The following CYB5R4 variants were observed in gnomAD, a reference collection of about 807,000 sequenced individuals.
The protein encoded by CYB5R4 is cytochrome b5 reductase 4.
A neutral mutation model predicts 70.2 loss-of-function variants in CYB5R4; 55 were observed. The ratio of observed to expected loss-of-function variants is 0.78; its 90% CI spans 0.63 to 0.98. CYB5R4 has a LOEUF of 0.98. CYB5R4 is among the 50% of genes least tolerant of loss of function. The pLI is 0.00. For synonymous variants in CYB5R4, 197 were observed against 199.5 expected, an observed-to-expected ratio of 0.99 and a Z score of 0.11; for missense variants, 562 against 612.6, an observed-to-expected ratio of 0.92 and a Z score of 0.87.
intron 14 of CYB5R4, among the ~76,000 whole-genome samples, chr6:83,947,712 A>C (rs1472584614): frequency 2.6e-5 from 4 of 152,212 alleles, no homozygotes; most frequent in African/African-American, 9.6e-5. Context: ...AAAAAATCCC[A>C]TCAGAAAGTG....
intron 2 of CYB5R4, among the ~76,000 whole-genome samples, chr6:83,866,397 T>C (rs1301856945): frequency 6.6e-6 from 1 of 152,218 alleles, no homozygotes; most frequent in Non-Finnish European, 1.5e-5. Context: ...ATATACTTAC[T>C]GGTTGAGCAT....
chr6:83,876,064 C>A (rs1045676723), intron 2 of CYB5R4, among the ~76,000 whole-genome samples: 1 of 152,086 alleles, frequency 6.6e-6, no homozygotes, highest in African/African-American at 2.4e-5. Flanking sequence ...TGAGGGACTT[C>A]CATGTTTCGT....
chr6:83,870,217 T>C (rs554374539), intron 2 of CYB5R4, among the ~76,000 whole-genome samples: 149 of 152,334 alleles, frequency 9.8e-4, no homozygotes, highest in African/African-American at 3.3e-3. Flanking sequence ...ATTCAGTGTT[T>C]GCAGCATACA....
chr6:83,863,357 C>G (rs1054690703), intron 1 of CYB5R4, among the ~76,000 whole-genome samples: 3 of 152,148 alleles, frequency 2.0e-5, no homozygotes, highest in Admixed American at 6.5e-5. Flanking sequence ...CCACCCCTTC[C>G]CTACAGTGTT....
chr6:83,944,648 A>G (rs988600737), intron 14 of CYB5R4, among the ~76,000 whole-genome samples: 2 of 152,182 alleles, frequency 1.3e-5, no homozygotes, highest in African/African-American at 4.8e-5. Context: ...GGCAAATTGG[A>G]TAAAGAGTCA....
intron 3 of CYB5R4, among the ~76,000 whole-genome samples, chr6:83,902,765 A>T (rs1395285626): frequency 1.3e-5 from 2 of 151,794 alleles, no homozygotes; most frequent in Non-Finnish European, 2.9e-5. Flanking sequence ...ATTTATCTGT[A>T]GCTTTCTTTC....
At position 83,961,337 on chromosome 6, in the gene CYB5R4, G is replaced by T. The variant is rs954246593; in HGVS notation, c.*1459G>T. ...CCCTACTTATTTTTTTCCATCTAAG[G>T]GTGAGGTGATTTGGCTCTGTGTCCT... On this transcript the variant is annotated 3_prime_UTR_variant, in exon 16 of 16. Coordinates refer to ENST00000369681, the MANE Select transcript of CYB5R4 (RefSeq NM_016230.4). 4.0e-5 allele frequency: 6 copies of T among 151,636 alleles called. No homozygotes were observed. The highest frequency in any genetic ancestry group is 7.4e-5 in the Non-Finnish European group (5 of 67,988). 9.4% of individuals were successfully genotyped at this position (151,636 alleles called of 1,614,324 possible). A position where few individuals can be genotyped will look rare whatever the true frequency, so the allele number is the denominator to read the frequency against.
At chr6:83,912,134 T>C (rs1184397227) in intron 4 of CYB5R4, among the ~76,000 whole-genome samples, 1 of 151,258 alleles carries the variant, frequency 6.6e-6, no homozygotes, top group Non-Finnish European at 1.5e-5. Flanking sequence ...AGTATTGCAC[T>C]CATGTGATTC....
chr6:83,864,078 A>AGG, intron 1 of CYB5R4, 97 bp from the exon 2 acceptor site: 1 of 1,117,636 alleles, frequency 8.9e-7, no homozygotes, highest in Non-Finnish European at 1.2e-6. Flanking sequence ...AAACTGTAAA[A>AGG]GGATTTATAG....
intron 3 of CYB5R4, among the ~76,000 whole-genome samples, chr6:83,906,190 G>C (rs970100630): frequency 1.3e-5 from 2 of 152,140 alleles, no homozygotes; most frequent in Non-Finnish European, 2.9e-5. Context: ...CAGTGGATGG[G>C]GAATGAACGT....
chr6:83,875,116 C>T (rs539232376), intron 2 of CYB5R4, among the ~76,000 whole-genome samples: 241 of 152,240 alleles, frequency 1.6e-3, no homozygotes, highest in African/African-American at 5.4e-3. Flanking sequence ...CCACTGTGCC[C>T]GGCCGTCTTT....
intron 3 of CYB5R4, among the ~76,000 whole-genome samples, chr6:83,905,337 C>T (rs1260989082): frequency 6.6e-6 from 1 of 152,132 alleles, no homozygotes; most frequent in African/African-American, 2.4e-5. Context: ...GCCACTGCGC[C>T]CGGCCCTTTT....
At chr6:83,898,023 T>C (rs367830910) in intron 3 of CYB5R4, among the ~76,000 whole-genome samples, 1 of 152,208 alleles carries the variant, frequency 6.6e-6, no homozygotes, top group Admixed American at 6.5e-5. Context: ...TTTATGGTTT[T>C]AAACATTTAA....
intron 2 of CYB5R4, among the ~76,000 whole-genome samples, chr6:83,871,742 A>C (rs550185404): frequency 6.6e-6 from 1 of 152,062 alleles, no homozygotes; most frequent in South Asian, 2.1e-4. Flanking sequence ...GAATTCATTA[A>C]TTTTATCTCA....
chr6:83,962,516 C>T lies in CYB5R4; in HGVS notation c.*2638C>T, dbSNP rs1177340066. 4.6e-5 allele frequency: 7 copies of T among 152,204 alleles called. No individual in the cohort carries two copies. The allele number at this position is 152,204 out of a possible 1,614,324, so 9.4% of individuals were successfully genotyped here. A position where few individuals can be genotyped will look rare whatever the true frequency, so the allele number is the denominator to read the frequency against. ...TTTTAAAAAAAAGTTTATTAATTTT[C>T]TATTGCTGCTAGATCAAATTACTAC... On this transcript the variant is annotated 3_prime_UTR_variant, in exon 16 of 16. Coordinates refer to ENST00000369681, the MANE Select transcript of CYB5R4 (RefSeq NM_016230.4).
At chr6:83,899,697 G>A (rs1486022655) in intron 3 of CYB5R4, among the ~76,000 whole-genome samples, 3 of 151,992 alleles carry the variant, frequency 2.0e-5, no homozygotes, top group Non-Finnish European at 2.9e-5. Context: ...GTCTTGGGAG[G>A]GTGTATGTGT....
chr6:83,961,894 A>T lies in CYB5R4; in HGVS notation c.*2016A>T. On this transcript the variant is annotated 3_prime_UTR_variant, in exon 16 of 16. Coordinates refer to ENST00000369681, the MANE Select transcript of CYB5R4 (RefSeq NM_016230.4). ...TTATATTTTTGTTTATATTTTATTT[A>T]TATTTTGTTTATATTTTGTTATATT... 6.7e-6 allele frequency: 1 copy of T among 149,002 alleles called. No homozygotes were observed. The highest frequency in any genetic ancestry group is 1.5e-5 in the Non-Finnish European group (1 of 67,102). The allele number at this position is 149,002 out of a possible 1,614,324, so 9.2% of individuals were successfully genotyped here.
chr6:83,922,023 A>G (rs7765992), intron 8 of CYB5R4, among the ~76,000 whole-genome samples: 6,412 of 152,170 alleles, frequency 0.042, 462 homozygotes, highest in African/African-American at 0.15. Flanking sequence ...GGAGAACAAT[A>G]AGAAAAGGTA....
intron 10 of CYB5R4, among the ~76,000 whole-genome samples, chr6:83,933,872 A>C (rs534145237): frequency 6.6e-6 from 1 of 152,264 alleles, no homozygotes; most frequent in African/African-American, 2.4e-5. Context: ...ACTTGAATTA[A>C]TTTTCAGATA....
Sources: allele counts gnomAD v4.1 joint callset (sites outside exome capture counted in the v4.1 genomes callset), GRCh38; gene constraint gnomAD v4.1.1; transcripts MANE v1.5; gene names NCBI Gene and HGNC (gene_info 2026-07-23, HGNC 2026-07-21).